TRPV2: variants seen among roughly 807,000 people sequenced by gnomAD.
The protein encoded by TRPV2 is transient receptor potential cation channel subfamily V member 2.
In TRPV2, 58 loss-of-function variants were observed where a neutral mutation model predicts 91.0. The observed-to-expected ratio is 0.64, with a 90% confidence interval of 0.52 to 0.79. The LOEUF (loss-of-function observed/expected upper bound fraction) is 0.79. Ranked by LOEUF, TRPV2 falls within the 30% of genes least tolerant of loss-of-function variation. The probability of loss-of-function intolerance (pLI) is 0.00; values close to 1 mark genes in which losing one functional copy is unlikely to be tolerated. For missense variants in TRPV2, 807 were observed against 969.6 expected (o/e 0.83, Z 2.23); for synonymous variants, 417 against 414.8 (o/e 1.01, Z -0.06).
At position 16,426,140 on chromosome 17, in the gene TRPV2, C is replaced by T. The variant is rs2093381953; in HGVS notation, c.966C>T (p.Ser322=). The T allele has an allele frequency of 6.2e-7, 1 of 1,614,028 alleles. No individual in the cohort carries two copies. Among genetic ancestry groups the T allele is most frequent in the African/African-American group, 1.3e-5 (1 of 74,910 alleles). The change falls in exon 6 of 15, where the codon AGC becomes AGT. Residue 322 remains serine (S), a synonymous_variant. Transcript: ENST00000338560. The surrounding 1 kb of genome is among the most constrained non-coding windows in gnomAD (Gnocchi z 6.0). The stretch of plus-strand genomic sequence containing the variant: ...TGCAGCGGGAGTTTTCAGGACTGAG[C>T]CACCTTTCCCGAAAGTTCACCGAGT... ...HILQREFSGL[S]HLSRKFTEWC... is the part of the protein sequence containing the mutation.
chr17:16,425,110 C>T (rs1229406872), intron 5 of TRPV2, among the ~76,000 whole-genome samples: 5 of 149,498 alleles, frequency 3.3e-5, no homozygotes, highest in African/African-American at 9.9e-5. Flanking sequence ...CTGCAACCTC[C>T]GCCTCCGGAG....
In TRPV2 at chr17:16,417,805, A is replaced by G. The variant is rs142246318; in HGVS notation, c.137A>G (p.Glu46Gly). Residue 46 changes from glutamate (E) to glycine (G), a missense_variant, in exon 2 of 15, where the codon GAG becomes GGG. Transcript: ENST00000338560. Reference protein sequence around the residue: ...LPPMESQFQGEDRKFAPQIRV... With the variant: ...LPPMESQFQGGDRKFAPQIRV... ...CCCATGGAGTCACAGTTCCAGGGCG[A>G]GGACCGGAAATTCGCCCCTCAGATA... 1.4e-5 allele frequency: 23 copies of G among 1,614,082 alleles called. No homozygotes were observed. Among genetic ancestry groups the G allele is most frequent in the Non-Finnish European group, 1.9e-5 (22 of 1,180,042 alleles).
At chr17:16,428,586 T>C (rs781586479) in intron 9 of TRPV2, 199 bp downstream of exon 9, 2 of 707,506 alleles carry the variant, frequency 2.8e-6, no homozygotes, top group South Asian at 3.6e-5. Context: ...TAGATGGTGA[T>C]AGTGACATTT....
rs1432656248 is a variant in TRPV2 at position 16,436,823 on chromosome 17, CAAG to C, written c.2230_2232del (p.Lys744del). 2 of 1,613,964 alleles carry C rather than the reference CAAG, an allele frequency of 1.2e-6. No individual in the cohort carries two copies. The highest frequency in any genetic ancestry group is 1.7e-6 in the Non-Finnish European group (2 of 1,179,974). ...AGAACCCTGTCCTGGCTTCCCCTCCCAAGGAGGATGAGGATGGTGCCTCTGAGG... is the reference window on the plus strand; with the variant it reads ...AGAACCCTGTCCTGGCTTCCCCTCCCGAGGATGAGGATGGTGCCTCTGAGG... On this transcript the variant is annotated inframe_deletion, in exon 15 of 15. Coordinates refer to ENST00000338560, the MANE Select transcript of TRPV2 (RefSeq NM_016113.5).
rs546085026 is a variant in TRPV2, at chr17:16,417,929, C to T, written c.200+61C>T. ...CCCTGCCCAGCTCCAGCAGAGCACCCGGAGTGAGACTCATTGACTAGTCCA... is the reference window on the plus strand; with the variant it reads ...CCCTGCCCAGCTCCAGCAGAGCACCTGGAGTGAGACTCATTGACTAGTCCA... On this transcript the variant is annotated intron_variant, in intron 2 of 14. Transcript: ENST00000338560. The T allele has an allele frequency of 1.2e-4, 173 of 1,480,530 alleles. No individual in the cohort carries two copies. In the South Asian group the frequency reaches 1.4e-3, roughly 12 times the overall value. 91.7% of individuals were successfully genotyped at this position (1,480,530 alleles called of 1,614,324 possible).
chr17:16,420,107 C>T lies in TRPV2; in HGVS notation c.201-8C>T, dbSNP rs964778930. 5.6e-6 allele frequency: 9 copies of T among 1,611,122 alleles called. No individual in the cohort carries two copies. Among genetic ancestry groups the T allele is most frequent in the Admixed American group, 5.0e-5 (3 of 59,920 alleles). On this transcript the variant is annotated splice_region_variant and splice_polypyrimidine_tract_variant and intron_variant, in intron 2 of 14. Transcript: ENST00000338560. ...TCCAGCATGAGTCACAAACCACATCCTCCACAGTCAGCCGGATCCAAACCG... is the reference window on the plus strand; with the variant it reads ...TCCAGCATGAGTCACAAACCACATCTTCCACAGTCAGCCGGATCCAAACCG...
intron 12 of TRPV2, among the ~76,000 whole-genome samples, chr17:16,432,552 T>C (rs1600990455): frequency 2.6e-5 from 4 of 151,598 alleles, no homozygotes; most frequent in South Asian, 2.1e-4. Flanking sequence ...GTGATCCTCC[T>C]TCCTCAGCCT....
chr17:16,429,865 C>A (rs1568917384), intron 10 of TRPV2, among the ~76,000 whole-genome samples: 1 of 144,282 alleles, frequency 6.9e-6, no homozygotes, highest in Non-Finnish European at 1.5e-5. Context: ...TAACATGGAA[C>A]TTTTTTTTTT....
chr17:16,431,891 C>T, intron 11 of TRPV2, 41 bp downstream of exon 11: 1 of 1,613,802 alleles, frequency 6.2e-7, no homozygotes, highest in South Asian at 1.1e-5. Context: ...CCCCACGTTC[C>T]TTGTCCACCC....
intron 2 of TRPV2, among the ~76,000 whole-genome samples, chr17:16,418,457 C>A (rs377014425): frequency 6.6e-6 from 1 of 152,100 alleles, no homozygotes; most frequent in African/African-American, 2.4e-5. Flanking sequence ...CTTCCCTGCC[C>A]GGGGGCGGGG....
Position 16,435,976 on chromosome 17 carries a change from G to A in TRPV2, c.2195-813G>A, listed in dbSNP as rs1334972377. On this transcript the variant is annotated intron_variant, in intron 14 of 14. Coordinates refer to ENST00000338560, the MANE Select transcript of TRPV2 (RefSeq NM_016113.5). This position sits in a 1 kb window ranked among gnomAD's most constrained non-coding sequence, Gnocchi z 4.2. Reference sequence around the variant, plus strand: ...CACTCCACACCCCACTGCCTGCTGGGGCCTCCAATGTGACATTCCCAACAG... The same window carrying A: ...CACTCCACACCCCACTGCCTGCTGGAGCCTCCAATGTGACATTCCCAACAG... Among the ~76,000 whole-genome samples, 1 of 152,098 alleles carries A rather than the reference G, an allele frequency of 6.6e-6. No homozygotes were observed. The highest frequency in any genetic ancestry group is 1.5e-5 in the Non-Finnish European group (1 of 68,020).
chr17:16,421,893 G>A (rs890301312), intron 3 of TRPV2, among the ~76,000 whole-genome samples: 3 of 152,132 alleles, frequency 2.0e-5, no homozygotes, highest in African/African-American at 4.8e-5. Context: ...GAGATTAAGA[G>A]AGGCCACGTG....
At chr17:16,427,277 A>G (rs1217982101) in intron 7 of TRPV2, among the ~76,000 whole-genome samples, 172 bp from the exon 8 acceptor site, 2 of 152,134 alleles carry the variant, frequency 1.3e-5, no homozygotes, top group African/African-American at 2.4e-5. Context: ...GAAATGCTAC[A>G]CAATGTGCCT....
intron 9 of TRPV2, 72 bp downstream of exon 9, chr17:16,428,459 AC>A: frequency 6.5e-7 from 1 of 1,536,890 alleles, no homozygotes; most frequent in Non-Finnish European, 9.0e-7. Context: ...GGCAGAAGGC[AC>A]CAGGTTGGCT....
chr17:16,420,971 A>G (rs1279545320), intron 3 of TRPV2, among the ~76,000 whole-genome samples: 1 of 152,166 alleles, frequency 6.6e-6, no homozygotes, highest in Admixed American at 6.5e-5. Flanking sequence ...GTCTTGACAC[A>G]TATACTAATT....
At position 16,432,198 on chromosome 17, in the gene TRPV2, C is replaced by T. The variant is rs377038895; in HGVS notation, c.1887C>T (p.Tyr629=). Residue 629 remains tyrosine, a synonymous_variant, in exon 12 of 15, where the codon TAC becomes TAT. Transcript: ENST00000338560. Reference sequence around the variant, plus strand: ...TGGTGCTGCTGCTGCTGCTGGCCTACGTGCTGCTCACCTACATCCTGCTGC... The same window carrying T: ...TGGTGCTGCTGCTGCTGCTGGCCTATGTGCTGCTCACCTACATCCTGCTGC... ...RGMVLLLLLA[Y]VLLTYILLLN... 2.9e-5 allele frequency: 47 copies of T among 1,614,134 alleles called. No individual in the cohort carries two copies. The highest frequency in any genetic ancestry group is 3.7e-5 in the Non-Finnish European group (44 of 1,180,050).
intron 13 of TRPV2, among the ~76,000 whole-genome samples, chr17:16,434,194 T>C (rs904607451): frequency 6.6e-6 from 1 of 151,220 alleles, no homozygotes; most frequent in Non-Finnish European, 1.5e-5. Flanking sequence ...GTCGGCCGGG[T>C]GCAGTGGCTC....
Position 16,436,773 on chromosome 17 carries a change from T to C in TRPV2, c.2195-16T>C, listed in dbSNP as rs557773359. On this transcript the variant is annotated splice_polypyrimidine_tract_variant and intron_variant, in intron 14 of 14. Transcript: ENST00000338560. ...CACTCAAGGGTTAAGCTACAGTGCT[T>C]GCCATCTGTTTACAGGAACTCTCGA... The C allele has an allele frequency of 6.9e-6, 11 of 1,592,572 alleles. No individual in the cohort carries two copies. The South Asian group carries it at 1.2e-4, about 18-fold the overall frequency.
At chr17:16,423,353 G>C (rs1229187113) in intron 4 of TRPV2, 116 bp from the exon 5 acceptor site, 1 of 1,220,276 alleles carries the variant, frequency 8.2e-7, no homozygotes, top group Non-Finnish European at 1.1e-6. Context: ...GCTCCCTTCA[G>C]TGGTAAAGAA....
Sources: allele counts gnomAD v4.1 joint callset (sites outside exome capture counted in the v4.1 genomes callset), GRCh38; gene constraint gnomAD v4.1.1; non-coding constraint Gnocchi (gnomAD v3.1); transcripts MANE v1.5; gene names NCBI Gene and HGNC (gene_info 2026-07-23, HGNC 2026-07-21).